LHB: variants seen among roughly 807,000 people sequenced by gnomAD.
The protein encoded by LHB is lutropin subunit beta.
A neutral mutation model predicts 10.6 loss-of-function variants in LHB; 11 were observed. The ratio of observed to expected loss-of-function variants is 1.04; its 90% CI spans 0.66 to 1.72. The LOEUF is 1.72. Ranked by LOEUF, LHB falls within the 40% of genes most tolerant of loss-of-function variation. The pLI is 0.00. For synonymous variants in LHB, 86 were observed against 83.1 expected (o/e 1.03, Z -0.19); for missense variants, 184 against 197.3 (o/e 0.93, Z 0.41).
At chr19:49,017,793 C>T (rs1261873049), upstream of LHB, 4 of 401,436 alleles carry the variant, frequency 1.0e-5, no homozygotes. Context: ...AGTCCCCTCT[C>T]CGTGATGCCG....
chr19:49,017,125 G>C, upstream of LHB: 1 of 1,613,846 alleles, frequency 6.2e-7, no homozygotes, highest in East Asian at 2.2e-5. Flanking sequence ...ATATACCTCG[G>C]GGTTGTGGGG....
At chr19:49,018,904 T>G, upstream of LHB, 2 of 1,534,078 alleles carry the variant, frequency 1.3e-6, no homozygotes, top group Non-Finnish European at 1.7e-6. Flanking sequence ...CGCGCCGAGG[T>G]GGTCAGATAG....
At chr19:49,017,452 G>T, upstream of LHB, 1 of 1,141,848 alleles carries the variant, frequency 8.8e-7, no homozygotes, top group Non-Finnish European at 1.1e-6. Flanking sequence ...CTGGACTGAA[G>T]CCTCAACCCT....
upstream of LHB, among the ~76,000 whole-genome samples, chr19:49,018,677 GA>G (rs1194298192): frequency 3.3e-5 from 5 of 151,954 alleles, no homozygotes; most frequent in Admixed American, 1.3e-4. Flanking sequence ...CGCGGTTCCT[GA>G]GAGGTGACAC....
At chr19:49,018,610 G>GC (rs1249568694), upstream of LHB, among the ~76,000 whole-genome samples, 1 of 152,044 alleles carries the variant, frequency 6.6e-6, no homozygotes, top group Non-Finnish European at 1.5e-5. Context: ...ACCGAAGGAG[G>GC]CCCTGCCCTC....
chr19:49,018,268 C>T, upstream of LHB: 1 of 1,048,454 alleles, frequency 9.5e-7, no homozygotes, highest in Non-Finnish European at 1.2e-6. Context: ...GGCCGTGGCT[C>T]CAGACCTGGG....
chr19:49,018,064 G>C (rs1244990615), upstream of LHB: 3 of 398,642 alleles, frequency 7.5e-6, no homozygotes, highest in African/African-American at 6.2e-5. Flanking sequence ...TCCAGTGCGG[G>C]CCGCCCCAGG....
Position 49,016,567 on chromosome 19 carries a change from C to T in LHB, c.163G>A (p.Ala55Thr). 1.7e-5 allele frequency: 28 copies of T among 1,609,700 alleles called. No individual in the cohort carries two copies. Among genetic ancestry groups the T allele is most frequent in the Non-Finnish European group, 2.3e-5 (27 of 1,179,628 alleles). Residue 55 changes from alanine to threonine, a missense_variant, in exon 2 of 3, where the codon GCC becomes ACC. By Grantham distance (58) the Ala-to-Thr change is moderately conservative (BLOSUM62 0). Transcript: ENST00000649238. Reference sequence around the variant, plus strand: ...CTCACCATGGTGGGGCAGTAGCCGGCACAGATGGTGGTGTTGACGGTGATG... The same window carrying T: ...CTCACCATGGTGGGGCAGTAGCCGGTACAGATGGTGGTGTTGACGGTGATG... ...VCITVNTTIC[A>T]GYCPTMMRVL...
chr19:49,017,914 C>A (rs1016758364), upstream of LHB: 2 of 398,334 alleles, frequency 5.0e-6, no homozygotes, highest in South Asian at 1.3e-4. Context: ...TCCCGAGCTC[C>A]GCTCGGCAGC....
chr19:49,019,452 G>C, upstream of LHB: 1 of 1,255,336 alleles, frequency 8.0e-7, no homozygotes, highest in Non-Finnish European at 1.0e-6. Flanking sequence ...AGCAGCTTAG[G>C]AGCCCTGAAG....
Position 49,016,059 on chromosome 19 carries a change from G to T in LHB, c.*9C>A. The T allele has an allele frequency of 6.2e-7, 1 of 1,613,782 alleles. No homozygotes were observed. The highest frequency in any genetic ancestry group is 8.5e-7 in the Non-Finnish European group (1 of 1,180,040). Reference sequence around the variant, plus strand: ...TCGGGATGGACTTGGAAGGCTGCGGGGAGGGTCTTTAGAGGAAGAGGAGGC... The same window carrying T: ...TCGGGATGGACTTGGAAGGCTGCGGTGAGGGTCTTTAGAGGAAGAGGAGGC... On this transcript the variant is annotated 3_prime_UTR_variant, in exon 3 of 3. Transcript: ENST00000649238.
In LHB at chr19:49,016,586, G is replaced by T. The variant is rs372622561; in HGVS notation, c.144C>A (p.Thr48=). 1 of 1,610,940 alleles carries T rather than the reference G, an allele frequency of 6.2e-7. No individual in the cohort carries two copies. The highest frequency in any genetic ancestry group is 1.1e-5 in the South Asian group (1 of 91,000). ...VEKEGCPVCI[T]VNTTICAGYC... ...AGCCGGCACAGATGGTGGTGTTGACGGTGATGCACACTGGGCAGCCCTCCT... is the reference window on the plus strand; with the variant it reads ...AGCCGGCACAGATGGTGGTGTTGACTGTGATGCACACTGGGCAGCCCTCCT... Residue 48 remains threonine (T), a synonymous_variant, in exon 2 of 3, where the codon ACC becomes ACA. Coordinates refer to ENST00000649238, the MANE Select transcript of LHB (RefSeq NM_000894.3).
rs138743912 is a variant in LHB at position 49,016,679 on chromosome 19, C to T, written c.51G>A (p.Gly17=). The T allele has an allele frequency of 3.7e-5, 60 of 1,611,858 alleles. 1 individual carries two copies. In the Middle Eastern group the frequency reaches 6.3e-4, roughly 17 times the overall value. Residue 17 remains glycine (G), a synonymous_variant, in exon 2 of 3, where the codon GGG becomes GGA. Coordinates refer to ENST00000649238, the MANE Select transcript of LHB (RefSeq NM_000894.3). ...GAAGCGGCTCCCTGGATGCCCATGC[C>T]CCGCCCATGCTCAGCAGCAGCAACA... is the stretch of plus-strand genomic sequence containing the variant. ...LLLLLLLSMG[G]AWASREPLRP... is the part of the protein sequence containing the mutation.
At position 49,016,532 on chromosome 19, in the gene LHB, C is replaced by T. The variant is rs1323909681; in HGVS notation, c.183+15G>A. On this transcript the variant is annotated intron_variant, in intron 2 of 2. Transcript: ENST00000649238. ...CTGAGGTGGCAGCATCTGCCCCTGG[C>T]CCCAGGCAGCTCACCATGGTGGGGC... 5 of 1,603,832 alleles carry T rather than the reference C, an allele frequency of 3.1e-6. No individual in the cohort carries two copies. The highest frequency in any genetic ancestry group is 2.2e-5 in the East Asian group (1 of 44,850).
upstream of LHB, among the ~76,000 whole-genome samples, chr19:49,018,531 G>T (rs918110326): frequency 3.9e-5 from 6 of 152,120 alleles, no homozygotes; most frequent in African/African-American, 1.2e-4. Flanking sequence ...TGGAAACTGA[G>T]CTTTCGCATC....
intron 1 of LHB, 73 bp downstream of exon 1, chr19:49,016,994 C>T (rs879592432): frequency 5.0e-6 from 8 of 1,612,308 alleles, no homozygotes; most frequent in Non-Finnish European, 6.8e-6. Context: ...ACAGCTCACA[C>T]GGGTCTGCCC....
upstream of LHB, chr19:49,018,346 G>A (rs1305156524): frequency 5.7e-6 from 7 of 1,218,214 alleles, no homozygotes; most frequent in Non-Finnish European, 7.2e-6. Flanking sequence ...CCGTCCTGTG[G>A]GAGCAGGGCG....
At position 49,017,050 on chromosome 19, in the gene LHB, G is replaced by A; in HGVS notation, c.15+17C>T. 6.2e-7 allele frequency: 1 copy of A among 1,613,722 alleles called. No homozygotes were observed. The highest frequency in any genetic ancestry group is 8.5e-7 in the Non-Finnish European group (1 of 1,179,846). ...CTGGAAGGAGGTGGAAGGTGCCCAG[G>A]GGCCCTGTAGTCTTACCTGGAGCAT... On this transcript the variant is annotated intron_variant, in intron 1 of 2. Coordinates refer to ENST00000649238, the MANE Select transcript of LHB (RefSeq NM_000894.3).
In LHB at chr19:49,016,863, A is replaced by AGAGCC. The variant is rs2039564302; in HGVS notation, c.16-154_16-150dup. Reference sequence around the variant, plus strand: ...CCCACCACCCGGACACCTGCCTTTCAGAGCCCACCCCACAGCCCAGAGGAC... The same window carrying AGAGCC: ...CCCACCACCCGGACACCTGCCTTTCAGAGCCGAGCCCACCCCACAGCCCAGAGGAC... On this transcript the variant is annotated intron_variant, in intron 1 of 2. Transcript: ENST00000649238. 3 of 1,572,744 alleles carry AGAGCC rather than the reference A, an allele frequency of 1.9e-6. No homozygotes were observed. The Admixed American group carries it at 5.5e-5, about 29-fold the overall frequency.
Sources: allele counts gnomAD v4.1 joint callset (sites outside exome capture counted in the v4.1 genomes callset), GRCh38; gene constraint gnomAD v4.1.1; transcripts MANE v1.5; gene names NCBI Gene and HGNC (gene_info 2026-07-23, HGNC 2026-07-21).